The following STRADB variants were observed in gnomAD, a reference collection of about 807,000 sequenced individuals.
STRADB encodes STE20-related kinase adapter protein beta.
In STRADB, 34 loss-of-function variants were observed where a neutral mutation model predicts 52.1. That is an observed-to-expected ratio of 0.65 (90% CI 0.50 to 0.87). STRADB has a LOEUF of 0.87. Ranked by LOEUF, STRADB falls within the 40% of genes least tolerant of loss-of-function variation. STRADB has a pLI of 0.00. For missense variants in STRADB, 340 were observed against 483.9 expected (o/e 0.70, Z 2.79); for synonymous variants, 133 against 174.5 (o/e 0.76, Z 1.87).
rs150241878 is a variant in STRADB at position 201,464,082 on chromosome 2, G to GTACCT, written c.93+5222_93+5226dup. Among the ~76,000 whole-genome samples the GTACCT allele has an allele frequency of 9.4e-3, 1,426 of 152,094 alleles. 31 individuals are homozygous for GTACCT. The highest frequency in any genetic ancestry group is 0.033 in the African/African-American group (1,369 of 41,478). ...TCTGTCACTTCGGGATTGGTCACTG[G>GTACCT]TACCTTACTTTGCTCATTTGGTGAA... On this transcript the variant is annotated intron_variant, in intron 3 of 11. Transcript: ENST00000194530.
intron 5 of STRADB, among the ~76,000 whole-genome samples, chr2:201,474,374 A>T (rs1952439610): frequency 6.6e-6 from 1 of 152,172 alleles, no homozygotes; most frequent in Non-Finnish European, 1.5e-5. Flanking sequence ...CCTAGAGGGA[A>T]ACTAAGTTCA....
intron 3 of STRADB, among the ~76,000 whole-genome samples, chr2:201,469,363 C>T (rs907632673): frequency 2.0e-5 from 3 of 152,176 alleles, no homozygotes; most frequent in African/African-American, 7.2e-5. Context: ...GCAAACCTGA[C>T]TCTCACTCCA....
chr2:201,473,798 A>G (rs1243401086), intron 5 of STRADB, among the ~76,000 whole-genome samples: 1 of 151,620 alleles, frequency 6.6e-6, no homozygotes, highest in African/African-American at 2.4e-5. Flanking sequence ...ACAGAATTGC[A>G]TTTCAGGTAT....
intron 4 of STRADB, among the ~76,000 whole-genome samples, chr2:201,471,800 T>C (rs1203300822): frequency 6.6e-6 from 1 of 152,182 alleles, no homozygotes; most frequent in Non-Finnish European, 1.5e-5. Context: ...CCAGGGTTTC[T>C]TGGGAGTAGG....
chr2:201,468,091 T>C (rs76219062), intron 3 of STRADB, among the ~76,000 whole-genome samples: 163 of 102,896 alleles, frequency 1.6e-3, no homozygotes, highest in East Asian at 0.013. Flanking sequence ...TTTTCTTTTT[T>C]TTTTTTTTTT....
Position 201,480,658 on chromosome 2 carries a change from C to T in STRADB, c.*483C>T, listed in dbSNP as rs1574298649. On this transcript the variant is annotated 3_prime_UTR_variant, in exon 12 of 12. Transcript: ENST00000194530. Reference sequence around the variant, plus strand: ...AATGTTTGTGCTTTCCCTTTTTCTTCTGTTAATACTTATGGTAACACCTAA... The same window carrying T: ...AATGTTTGTGCTTTCCCTTTTTCTTTTGTTAATACTTATGGTAACACCTAA... 2.2e-5 allele frequency: 22 copies of T among 987,834 alleles called. No individual in the cohort carries two copies. In the South Asian group the frequency reaches 9.3e-4, roughly 42 times the overall value. The allele number at this position is 987,834 out of a possible 1,614,324, so 61.2% of individuals were successfully genotyped here.
chr2:201,478,281 T>C, intron 9 of STRADB, 76 bp from the exon 10 acceptor site: 1 of 1,596,440 alleles, frequency 6.3e-7, no homozygotes, highest in Middle Eastern at 1.7e-4. Flanking sequence ...TGCTATAGAC[T>C]CTTAGGAGCT....
At chr2:201,458,965 C>T (rs1952171377) in intron 3 of STRADB, 101 bp downstream of exon 3, 2 of 930,904 alleles carry the variant, frequency 2.1e-6, no homozygotes, top group South Asian at 1.6e-5. Flanking sequence ...AGTTCGAGAC[C>T]AGCCTGGGCA....
intron 7 of STRADB, among the ~76,000 whole-genome samples, chr2:201,476,532 A>G (rs1952475730): frequency 6.6e-6 from 1 of 152,076 alleles, no homozygotes; most frequent in South Asian, 2.1e-4. Context: ...TTATCTGACA[A>G]TTAAAGGAAA....
At chr2:201,479,863 G>A in intron 11 of STRADB, 169 bp from the exon 12 acceptor site, 1 of 791,074 alleles carries the variant, frequency 1.3e-6, no homozygotes, top group Admixed American at 2.6e-5. Context: ...AGTTTCTTTG[G>A]CTCTTCTTCC....
chr2:201,474,515 A>G lies in STRADB; in HGVS notation c.316-132A>G, dbSNP rs764834129. 3 of 635,644 alleles carry G rather than the reference A, an allele frequency of 4.7e-6. No individual in the cohort carries two copies. The Admixed American group carries it at 1.1e-4, about 23-fold the overall frequency. 39.4% of individuals were successfully genotyped at this position (635,644 alleles called of 1,614,324 possible). ...TTTGTGGAGTGGTTGTGAGATTTAA[A>G]TAGATAAAAGCACTAAGAACAGTGC... On this transcript the variant is annotated intron_variant, in intron 5 of 11. Transcript: ENST00000194530.
chr2:201,479,627 G>A, intron 11 of STRADB, 96 bp downstream of exon 11: 1 of 1,217,212 alleles, frequency 8.2e-7, no homozygotes, highest in Non-Finnish European at 1.2e-6. Flanking sequence ...GGTTACCAAG[G>A]TTCTTACTAA....
chr2:201,478,291 T>A, intron 9 of STRADB, 66 bp from the exon 10 acceptor site: 2 of 1,599,348 alleles, frequency 1.3e-6, no homozygotes, highest in East Asian at 4.5e-5. Context: ...TCTTAGGAGC[T>A]TTATTGTTGT....
intron 10 of STRADB, chr2:201,479,150 A>G (rs1278494726): frequency 1.0e-5 from 2 of 198,562 alleles, no homozygotes; most frequent in Non-Finnish European, 1.0e-5. Flanking sequence ...TACAATAAAA[A>G]TGAGAGTAAA....
intron 3 of STRADB, among the ~76,000 whole-genome samples, chr2:201,462,801 A>G (rs1952236293): frequency 6.6e-6 from 1 of 152,238 alleles, no homozygotes; most frequent in Admixed American, 6.5e-5. Flanking sequence ...TAAAGATATG[A>G]GTAGTTTACA....
chr2:201,463,134 G>T (rs1008973145), intron 3 of STRADB, among the ~76,000 whole-genome samples: 1 of 152,214 alleles, frequency 6.6e-6, no homozygotes, highest in East Asian at 1.9e-4. Context: ...TCAGGAGATT[G>T]AGACCATCCT....
chr2:201,469,999 G>A lies in STRADB; in HGVS notation c.140G>A (p.Ser47Asn), dbSNP rs1458930416. 3 of 1,614,094 alleles carry A rather than the reference G, an allele frequency of 1.9e-6. No individual in the cohort carries two copies. In the Admixed American group the frequency reaches 5.0e-5, roughly 27 times the overall value. Residue 47 changes from serine to asparagine, a missense_variant, in exon 4 of 12, where the codon AGT becomes AAT. Transcript: ENST00000194530. ...LSWSRPSTRA[S>N]EVLCSTNVSH... The stretch of plus-strand genomic sequence containing the variant: ...TGGTCACGTCCATCCACTAGAGCCA[G>A]TGAAGTACTATGTTCCACCAACGTT...
rs575302054 is a variant in STRADB at position 201,476,057 on chromosome 2, G to A, written c.548+315G>A. On this transcript the variant is annotated intron_variant, in intron 7 of 11. Coordinates refer to ENST00000194530, the MANE Select transcript of STRADB (RefSeq NM_018571.6). Reference sequence around the variant, plus strand: ...GCTGTAGGAAATGGGATCCTAGTTAGCTGGGTGTTTTTCGTTTTGTTTTTG... The same window carrying A: ...GCTGTAGGAAATGGGATCCTAGTTAACTGGGTGTTTTTCGTTTTGTTTTTG... Among the ~76,000 whole-genome samples, 5 of 152,292 alleles carry A rather than the reference G, an allele frequency of 3.3e-5. No individual in the cohort carries two copies. The East Asian group carries it at 9.7e-4, about 29-fold the overall frequency.
At chr2:201,455,722 G>A (rs1276071674) in intron 2 of STRADB, among the ~76,000 whole-genome samples, 1 of 151,922 alleles carries the variant, frequency 6.6e-6, no homozygotes, top group Non-Finnish European at 1.5e-5. Context: ...AAAAGGATGA[G>A]TATATTTGTA....
Sources: gnomAD v4.1 joint callset for allele counts (sites outside exome capture counted in the v4.1 genomes callset) on GRCh38, gnomAD v4.1.1 for gene constraint, MANE v1.5 for transcripts, NCBI Gene and HGNC (gene_info 2026-07-23, HGNC 2026-07-21) for gene names.